Variants in RGS12 observed in about 807,000 individuals in gnomAD.
RGS12 encodes regulator of G-protein signaling 12.
Under a neutral mutation model 120.1 loss-of-function variants are expected in RGS12, and 66 were observed. The observed-to-expected ratio is 0.55, with a 90% CI of 0.45 to 0.67. RGS12 has a LOEUF of 0.67. Ranked by LOEUF, RGS12 falls within the 30% of genes least tolerant of loss-of-function variation. RGS12 has a pLI of 0.00. For missense variants in RGS12, 1,859 were observed against 1,957.7 expected (o/e 0.95, Z 0.95); for synonymous variants, 827 against 804.7 (o/e 1.03, Z -0.47).
chr4:3,362,587 GGTGT>G (rs199941508), intron 3 of RGS12, among the ~76,000 whole-genome samples: 35 of 141,500 alleles, frequency 2.5e-4, no homozygotes, highest in Non-Finnish European at 4.3e-4. Context: ...AGGGTGTGAG[GGTGT>G]GTGTGAGGGT....
chr4:3,310,417 T>G (rs2110384122), intron 1 of RGS12, among the ~76,000 whole-genome samples: 1 of 152,238 alleles, frequency 6.6e-6, no homozygotes. Flanking sequence ...TGTGGAGAGG[T>G]ATTGACTGGT....
intron 1 of RGS12, among the ~76,000 whole-genome samples, chr4:3,296,788 G>A (rs1308292991): frequency 3.3e-5 from 5 of 152,314 alleles, no homozygotes; most frequent in Middle Eastern, 3.4e-3. Context: ...GGGGAGAGGC[G>A]GGAGCCATCC....
At chr4:3,293,662 GCCCAAA>G (rs1723184089) in intron 1 of RGS12, among the ~76,000 whole-genome samples, 1 of 151,972 alleles carries the variant, frequency 6.6e-6, no homozygotes, top group African/African-American at 2.4e-5. Context: ...ACAGAGAGGG[GCCCAAA>G]GCTGTGGAAT....
At chr4:3,332,910 C>T (rs1364255019) in intron 2 of RGS12, among the ~76,000 whole-genome samples, 3 of 152,042 alleles carry the variant, frequency 2.0e-5, no homozygotes, top group Middle Eastern at 3.2e-3. Context: ...CTGCAACCTC[C>T]GCCTCCCTGG....
chr4:3,428,274 G>GT (rs1239181219), intron 15 of RGS12, 105 bp downstream of exon 15: 2 of 1,071,116 alleles, frequency 1.9e-6, no homozygotes, highest in Non-Finnish European at 2.9e-6. Context: ...TTATCACTGT[G>GT]TGTCTCCCCC....
chr4:3,353,588 C>T lies in RGS12; in HGVS notation c.1998+10535C>T, dbSNP rs867069242. On this transcript the variant is annotated intron_variant, in intron 3 of 17. Transcript: ENST00000336727. ...TGATGTGGCATTGTTTTTCACTAAC[C>T]GTCTTGGTTTGAGTTGGGGGAAGGA... Among the ~76,000 whole-genome samples the T allele has an allele frequency of 5.3e-5, 8 of 152,120 alleles. 1 individual carries two copies. The South Asian group carries it at 6.2e-4, about 12-fold the overall frequency.
At chr4:3,362,943 G>A (rs76704992) in intron 3 of RGS12, among the ~76,000 whole-genome samples, 4 of 148,478 alleles carry the variant, frequency 2.7e-5, no homozygotes, top group Admixed American at 2.7e-4. Context: ...GAAGGGGTGT[G>A]TGTGCACGTG....
chr4:3,418,563 G>A (rs1722658774), intron 9 of RGS12: 1 of 152,334 alleles, frequency 6.6e-6, no homozygotes, highest in Non-Finnish European at 1.5e-5. Flanking sequence ...GCTCCTGTGT[G>A]TGCCCTGCAG....
chr4:3,387,479 C>A (rs1005362002), intron 4 of RGS12, among the ~76,000 whole-genome samples: 1 of 152,192 alleles, frequency 6.6e-6, no homozygotes, highest in Non-Finnish European at 1.5e-5. Flanking sequence ...TGTGGGCCAG[C>A]GGCTCTGTAG....
chr4:3,342,070 G>T lies in RGS12; in HGVS notation c.1882-867G>T, dbSNP rs192226500. Among the ~76,000 whole-genome samples the T allele has an allele frequency of 4.5e-4, 69 of 151,978 alleles. No individual in the cohort carries two copies. The East Asian group carries it at 5.4e-3, about 12-fold the overall frequency. On this transcript the variant is annotated intron_variant, in intron 2 of 17. Transcript: ENST00000336727. Reference sequence around the variant, plus strand: ...TCTGCTTCCAGAAAGGTGCAGGCATGCTGTAGGTTTCCCTAGGGACTCTCA... The same window carrying T: ...TCTGCTTCCAGAAAGGTGCAGGCATTCTGTAGGTTTCCCTAGGGACTCTCA...
At chr4:3,351,069 T>C (rs1286491023) in intron 3 of RGS12, among the ~76,000 whole-genome samples, 1 of 152,266 alleles carries the variant, frequency 6.6e-6, no homozygotes, top group Non-Finnish European at 1.5e-5. Flanking sequence ...ATGAAGGCTG[T>C]GGACCAGAAT....
At chr4:3,295,516 C>A (rs1256543882) in intron 1 of RGS12, among the ~76,000 whole-genome samples, 1 of 151,838 alleles carries the variant, frequency 6.6e-6, no homozygotes, top group Non-Finnish European at 1.5e-5. Flanking sequence ...CAAAATTATT[C>A]GGGTGTGGTG....
chr4:3,384,594 G>A (rs1359360265), intron 3 of RGS12, among the ~76,000 whole-genome samples: 2 of 152,220 alleles, frequency 1.3e-5, no homozygotes, highest in African/African-American at 4.8e-5. Flanking sequence ...CAGTTCCTGC[G>A]GCTGAGGGCC....
chr4:3,288,318 G>A (rs994820830), upstream of RGS12, among the ~76,000 whole-genome samples: 4 of 152,142 alleles, frequency 2.6e-5, no homozygotes, highest in Middle Eastern at 3.2e-3. This position sits in a 1 kb window ranked among gnomAD's most constrained non-coding sequence, Gnocchi z 5.2. Context: ...AGGGGGCCCC[G>A]TGGGTGTGGG....
In RGS12 at chr4:3,439,632, C is replaced by T. The variant is rs368517733; in HGVS notation, c.4292C>T (p.Pro1431Leu). 8.2e-6 allele frequency: 13 copies of T among 1,593,474 alleles called. No individual in the cohort carries two copies. The highest frequency in any genetic ancestry group is 3.4e-5 in the South Asian group (3 of 87,442). The change falls in exon 18 of 18, where the codon CCG becomes CTG. Residue 1431 changes from proline (P) to leucine (L), a missense_variant. By Grantham distance (98) the Pro-to-Leu change is moderately conservative. Transcript: ENST00000336727. ...GACCTCCCTGGCTTGGGCCCCGTCC[C>T]GGGTGAGCCTGCTAAGCCCAAGACC... ...TSDLPGLGPV[P>L]GEPAKPKTSA...
rs547319425 is a variant in RGS12, at chr4:3,390,754, C to T, written c.2020+4317C>T. ...TCCTAGCCTTGTGTCTTCATCTCGC[C>T]GGTCCTTGTTAGCGAACAGGCACTG... On this transcript the variant is annotated intron_variant, in intron 4 of 17. Coordinates refer to ENST00000336727, the MANE Select transcript of RGS12 (RefSeq NM_001394154.1). The surrounding 1 kb of genome is among the most constrained non-coding windows in gnomAD (Gnocchi z 4.6). Among the ~76,000 whole-genome samples, 80 of 152,316 alleles carry T rather than the reference C, an allele frequency of 5.3e-4. 1 individual carries two copies. In the South Asian group the frequency reaches 0.013, roughly 26 times the overall value.
At chr4:3,342,828 A>C in intron 2 of RGS12, 109 bp from the exon 3 acceptor site, 1 of 803,548 alleles carries the variant, frequency 1.2e-6, no homozygotes, top group South Asian at 1.6e-5. Flanking sequence ...TCTTTTTAAA[A>C]AGTCTTTGTT....
intron 1 of RGS12, among the ~76,000 whole-genome samples, 169 bp from the exon 2 acceptor site, chr4:3,315,901 C>T (rs923716416): frequency 2.0e-5 from 3 of 152,174 alleles, no homozygotes; most frequent in Non-Finnish European, 2.9e-5. Flanking sequence ...TTTTCTACTC[C>T]GAAAGGAAGT....
intron 2 of RGS12, among the ~76,000 whole-genome samples, chr4:3,339,512 C>A (rs1246591497): frequency 6.6e-6 from 1 of 152,142 alleles, no homozygotes; most frequent in African/African-American, 2.4e-5. Flanking sequence ...TCTCTTATCA[C>A]TGTCCATCTA....
Sources: gnomAD v4.1 joint callset for allele counts (sites outside exome capture counted in the v4.1 genomes callset) on GRCh38, gnomAD v4.1.1 for gene constraint, Gnocchi (gnomAD v3.1) non-coding constraint, MANE v1.5 for transcripts, NCBI Gene and HGNC (gene_info 2026-07-23, HGNC 2026-07-21) for gene names.